The following AP2S1 variants were observed in gnomAD, a reference collection of about 807,000 sequenced individuals.
AP2S1 encodes adaptor related protein complex 2 subunit sigma 1.
AP2S1 carries 6 observed loss-of-function variants against 21.0 expected under a neutral mutation model. The ratio of observed to expected loss-of-function variants is 0.29; its 90% CI spans 0.16 to 0.56. AP2S1 has a LOEUF of 0.56. AP2S1 is among the 20% of genes least tolerant of loss of function. The probability of loss-of-function intolerance (pLI) is 0.92; values close to 1 mark genes in which losing one functional copy is unlikely to be tolerated. For synonymous variants in AP2S1, 63 were observed against 74.6 expected (o/e 0.84, Z 0.80); for missense variants, 60 against 186.2 (o/e 0.32, Z 3.95).
intron 1 of AP2S1, among the ~76,000 whole-genome samples, chr19:46,849,253 G>A (rs554407792): frequency 1.9e-4 from 29 of 152,126 alleles, no homozygotes; most frequent in Middle Eastern, 3.4e-3. Flanking sequence ...TGATCCGCCT[G>A]CCTCAGCCTC....
At chr19:46,841,431 A>G (rs2055519049) in intron 2 of AP2S1, among the ~76,000 whole-genome samples, 1 of 152,134 alleles carries the variant, frequency 6.6e-6, no homozygotes, top group African/African-American at 2.4e-5. Flanking sequence ...GAGGCTTCTC[A>G]GGGATCTGCT....
intron 1 of AP2S1, among the ~76,000 whole-genome samples, chr19:46,846,857 G>C (rs1333094234): frequency 2.6e-5 from 4 of 151,908 alleles, no homozygotes; most frequent in African/African-American, 7.3e-5. Flanking sequence ...GTAGAGACGG[G>C]GTTTCACCAT....
At chr19:46,850,263 C>T in intron 1 of AP2S1, 1 of 1,234,506 alleles carries the variant, frequency 8.1e-7, no homozygotes, top group South Asian at 3.9e-5. Context: ...CAGTCTCCTG[C>T]CCCTGTCTCA....
intron 1 of AP2S1, among the ~76,000 whole-genome samples, chr19:46,847,938 A>G (rs2122803458): frequency 6.6e-6 from 1 of 152,320 alleles, no homozygotes; most frequent in South Asian, 2.1e-4. Context: ...TATATACCTA[A>G]GAGTGAGATT....
At chr19:46,844,348 G>A (rs899646582) in intron 2 of AP2S1, among the ~76,000 whole-genome samples, 4 of 151,980 alleles carry the variant, frequency 2.6e-5, no homozygotes, top group South Asian at 2.1e-4. Flanking sequence ...TCCCTGGAAC[G>A]CCCTAAGTAT....
At chr19:46,849,068 C>T (rs1379324665) in intron 1 of AP2S1, among the ~76,000 whole-genome samples, 2 of 134,026 alleles carry the variant, frequency 1.5e-5, no homozygotes, top group Admixed American at 1.7e-4. Context: ...GCCAGTGGCA[C>T]AATCTCGGCT....
intron 1 of AP2S1, among the ~76,000 whole-genome samples, chr19:46,846,574 C>T (rs1337223225): frequency 4.6e-5 from 7 of 151,658 alleles, no homozygotes; most frequent in Admixed American, 4.6e-4. Context: ...CTGTGCCCTG[C>T]TTTGTCTGCC....
intron 2 of AP2S1, 155 bp downstream of exon 2, chr19:46,845,838 G>A: frequency 1.1e-6 from 1 of 896,280 alleles, no homozygotes; most frequent in Non-Finnish European, 1.7e-6. Flanking sequence ...ACAAGTAAAG[G>A]AAGGGAAGAA....
chr19:46,848,655 C>T (rs772737734), intron 1 of AP2S1, among the ~76,000 whole-genome samples: 6 of 152,170 alleles, frequency 3.9e-5, no homozygotes, highest in Non-Finnish European at 5.9e-5. Context: ...TCTGAACCAC[C>T]TGACCCCAAC....
At chr19:46,840,696 T>TG (rs1948235411) in intron 2 of AP2S1, among the ~76,000 whole-genome samples, 1 of 149,382 alleles carries the variant, frequency 6.7e-6, no homozygotes, top group Non-Finnish European at 1.5e-5. Context: ...CTGACAGCTA[T>TG]GAGTGCCAGC....
chr19:46,844,786 T>C (rs1221976375), intron 2 of AP2S1, among the ~76,000 whole-genome samples: 5 of 149,142 alleles, frequency 3.4e-5, no homozygotes, highest in African/African-American at 1.2e-4. Context: ...GGTGACAGAA[T>C]GAGCTCCTGT....
intron 3 of AP2S1, 26 bp downstream of exon 3, chr19:46,839,439 C>CCCCCAAAAAAACACA: frequency 1.3e-6 from 2 of 1,569,708 alleles, no homozygotes; most frequent in Non-Finnish European, 1.7e-6. Context: ...CCCGCCTCCC[C>CCCCCAAAAAAACACA]ACCTTACATC....
intron 1 of AP2S1, chr19:46,850,335 C>G: frequency 8.0e-7 from 1 of 1,242,488 alleles, no homozygotes; most frequent in Non-Finnish European, 1.0e-6. Context: ...TCAAGAAAAC[C>G]TCCCTCCCCT....
chr19:46,840,301 C>A (rs556892981), intron 2 of AP2S1, among the ~76,000 whole-genome samples: 25 of 141,430 alleles, frequency 1.8e-4, no homozygotes, highest in African/African-American at 6.4e-4. Flanking sequence ...TTGCAAAGTA[C>A]AATGTCTTTG....
In AP2S1 at chr19:46,846,017, G is replaced by A. The variant is rs374514769; in HGVS notation, c.129C>T (p.Asp43=). 2.1e-5 allele frequency: 34 copies of A among 1,613,980 alleles called. No individual in the cohort carries two copies. Among genetic ancestry groups the A allele is most frequent in the Admixed American group, 3.3e-5 (2 of 59,990 alleles). The part of the protein sequence containing the change: ...EEVHAVVTVR[D]AKHTNFVEFR... The stretch of plus-strand genomic sequence containing the variant: ...CCTCCACAAAGTTGGTGTGTTTGGC[G>A]TCTCGGACGGTGACCACGGCATGCA... Residue 43 remains aspartate (D), a synonymous_variant, in exon 2 of 5, where the codon GAC becomes GAT. Transcript: ENST00000263270.
chr19:46,844,202 C>T (rs865864761), intron 2 of AP2S1, among the ~76,000 whole-genome samples: 4 of 152,136 alleles, frequency 2.6e-5, no homozygotes, highest in Middle Eastern at 6.8e-3. Flanking sequence ...CGCGCCCGGC[C>T]GGCAAAAACA....
At chr19:46,841,023 G>A (rs1484442494) in intron 2 of AP2S1, among the ~76,000 whole-genome samples, 1 of 151,788 alleles carries the variant, frequency 6.6e-6, no homozygotes, top group African/African-American at 2.4e-5. Context: ...GCGCAATCTT[G>A]GCTCACTGCA....
At chr19:46,846,168 G>A in intron 1 of AP2S1, 26 bp from the exon 2 acceptor site, 2 of 1,613,296 alleles carry the variant, frequency 1.2e-6, no homozygotes, top group Non-Finnish European at 1.7e-6. Flanking sequence ...GGAGAAGGAG[G>A]AAGTGAGAGA....
At chr19:46,846,281 G>A in intron 1 of AP2S1, 139 bp from the exon 2 acceptor site, 1 of 1,137,362 alleles carries the variant, frequency 8.8e-7, no homozygotes, top group Non-Finnish European at 1.2e-6. Flanking sequence ...AGGGGTCTCG[G>A]CTGCTCCCCA....
Sources: gnomAD v4.1 joint callset for allele counts (sites outside exome capture counted in the v4.1 genomes callset) on GRCh38, gnomAD v4.1.1 for gene constraint, MANE v1.5 for transcripts, NCBI Gene and HGNC (gene_info 2026-07-23, HGNC 2026-07-21) for gene names.